DNAH11: variants seen among roughly 807,000 people sequenced by gnomAD.
DNAH11 encodes axonemal beta dynein heavy chain 11.
In DNAH11, 442 loss-of-function variants were observed where a neutral mutation model predicts 526.0. The observed-to-expected ratio is 0.84, with a 90% confidence interval of 0.78 to 0.91. The LOEUF is 0.91. Among genes scored for constraint, DNAH11 ranks in the 40% least tolerant of loss-of-function variants. The probability of loss-of-function intolerance (pLI) is 0.00; values close to 1 mark genes in which losing one functional copy is unlikely to be tolerated. For synonymous variants in DNAH11, 2,461 were observed against 1,935.9 expected, an observed-to-expected ratio of 1.27 and a Z score of -7.12; for missense variants, 6,989 against 5,448.7, an observed-to-expected ratio of 1.28 and a Z score of -8.90.
At chr7:21,637,173 A>G (rs1345974282) in intron 26 of DNAH11, among the ~76,000 whole-genome samples, 1 of 151,564 alleles carries the variant, frequency 6.6e-6, no homozygotes, top group Non-Finnish European at 1.5e-5. Context: ...GCGCTCTCTC[A>G]TTCTCTGTCT....
intron 65 of DNAH11, among the ~76,000 whole-genome samples, chr7:21,821,538 C>G (rs894523135): frequency 6.6e-6 from 1 of 152,078 alleles, no homozygotes; most frequent in East Asian, 1.9e-4. Flanking sequence ...TATGTGAAAA[C>G]CTAGTTTCTT....
At position 21,661,181 on chromosome 7, in the gene DNAH11, A is replaced by T. The variant is rs530315047; in HGVS notation, c.5328+2150A>T. On this transcript the variant is annotated intron_variant, in intron 30 of 81. Transcript: ENST00000409508. Reference sequence around the variant, plus strand: ...GTAGTCATTTAAACCTTATTTTTTTAAAATTATCCATTAATTATGGTGGGA... The same window carrying T: ...GTAGTCATTTAAACCTTATTTTTTTTAAATTATCCATTAATTATGGTGGGA... 4.7e-3 allele frequency among the ~76,000 whole-genome samples: 708 copies of T among 152,222 alleles called. 5 individuals are homozygous for T. The highest frequency in any genetic ancestry group is 0.021 in the South Asian group (103 of 4,826).
At chr7:21,676,262 A>G (rs1782879445) in intron 30 of DNAH11, among the ~76,000 whole-genome samples, 1 of 152,214 alleles carries the variant, frequency 6.6e-6, no homozygotes, top group Non-Finnish European at 1.5e-5. Flanking sequence ...GGTAGACTTG[A>G]GCCAAGACAC....
rs186279723 is a variant in DNAH11, at chr7:21,821,944, A to G, written c.10691+3605A>G. 1.8e-4 allele frequency among the ~76,000 whole-genome samples: 27 copies of G among 152,020 alleles called. No homozygotes were observed. The East Asian group carries it at 3.9e-3, about 22-fold the overall frequency. Reference sequence around the variant, plus strand: ...CCCGATTTTTTAGCTCCTGCATATGAGTAAGAAAATGCCATATTTTTCTTT... The same window carrying G: ...CCCGATTTTTTAGCTCCTGCATATGGGTAAGAAAATGCCATATTTTTCTTT... On this transcript the variant is annotated intron_variant, in intron 65 of 81. Coordinates refer to ENST00000409508, the MANE Select transcript of DNAH11 (RefSeq NM_001277115.2).
chr7:21,697,909 ATTTTT>A (rs1783917924), intron 35 of DNAH11, among the ~76,000 whole-genome samples, 161 bp from the exon 36 acceptor site: 1 of 152,120 alleles, frequency 6.6e-6, no homozygotes, highest in African/African-American at 2.4e-5. Context: ...ATGAGTGGAC[ATTTTT>A]TTAGTTGAAG....
At chr7:21,589,090 T>C in intron 11 of DNAH11, 118 bp from the exon 12 acceptor site, 1 of 786,036 alleles carries the variant, frequency 1.3e-6, no homozygotes, top group Non-Finnish European at 1.8e-6. Flanking sequence ...GTCTTGACTG[T>C]TTCTCTTCCT....
intron 73 of DNAH11, among the ~76,000 whole-genome samples, chr7:21,869,658 G>A (rs906086188): frequency 3.3e-5 from 5 of 152,178 alleles, no homozygotes; most frequent in African/African-American, 4.8e-5. Flanking sequence ...CCAATGCACA[G>A]GCAGGTCAGA....
intron 2 of DNAH11, among the ~76,000 whole-genome samples, chr7:21,545,866 A>C (rs1328943328): frequency 1.3e-5 from 2 of 152,182 alleles, no homozygotes; most frequent in South Asian, 4.1e-4. Context: ...GGTTCCATGG[A>C]ACTAGAACCT....
At chr7:21,857,562 A>T (rs1030817741) in intron 68 of DNAH11, among the ~76,000 whole-genome samples, 1 of 152,010 alleles carries the variant, frequency 6.6e-6, no homozygotes, top group Non-Finnish European at 1.5e-5. Flanking sequence ...TGGAAGACTT[A>T]CAATTTCTGA....
At chr7:21,668,465 A>T (rs970355083) in intron 30 of DNAH11, among the ~76,000 whole-genome samples, 1 of 152,118 alleles carries the variant, frequency 6.6e-6, no homozygotes, top group African/African-American at 2.4e-5. Context: ...ATATCCTTTG[A>T]AAGTTTGTAC....
intron 2 of DNAH11, among the ~76,000 whole-genome samples, chr7:21,552,603 A>G (rs1783063592): frequency 6.6e-6 from 1 of 152,178 alleles, no homozygotes. Flanking sequence ...TTATCTGTGT[A>G]TTATAACAAC....
At chr7:21,883,899 G>A (rs1437520806) in intron 75 of DNAH11, among the ~76,000 whole-genome samples, 3 of 152,100 alleles carry the variant, frequency 2.0e-5, no homozygotes, top group Admixed American at 6.5e-5. Flanking sequence ...AAAAATTAGC[G>A]AGATGTAGTG....
intron 61 of DNAH11, among the ~76,000 whole-genome samples, chr7:21,799,028 G>A (rs899590401): frequency 2.0e-5 from 3 of 151,924 alleles, no homozygotes; most frequent in African/African-American, 7.2e-5. Flanking sequence ...ACAGAGTTTT[G>A]AAACCAAAAA....
chr7:21,782,714 C>T (rs1000399481), intron 57 of DNAH11, among the ~76,000 whole-genome samples: 1 of 152,076 alleles, frequency 6.6e-6, no homozygotes, highest in African/African-American at 2.4e-5. Flanking sequence ...CAGTTCAAGA[C>T]CAGCCTGGCC....
At chr7:21,820,400 C>T (rs1037954649) in intron 65 of DNAH11, among the ~76,000 whole-genome samples, 8 of 152,084 alleles carry the variant, frequency 5.3e-5, no homozygotes, top group Non-Finnish European at 1.2e-4. Flanking sequence ...GGAAAGACTT[C>T]TTGGAAAAAA....
chr7:21,898,619 C>T (rs1258607388), intron 79 of DNAH11, among the ~76,000 whole-genome samples: 2 of 152,144 alleles, frequency 1.3e-5, no homozygotes, highest in African/African-American at 2.4e-5. Context: ...CAAGGTTTCA[C>T]TTCTCTCTTA....
At position 21,687,129 on chromosome 7, in the gene DNAH11, T is replaced by A; in HGVS notation, c.5652T>A (p.His1884Gln). ...RCYITLTQSL[H>Q]LTMSGAPAGP... Reference sequence around the variant, plus strand: ...ATATTACCTTAACTCAATCACTTCATCTAACCATGAGTGGGGCTCCTGCTG... The same window carrying A: ...ATATTACCTTAACTCAATCACTTCAACTAACCATGAGTGGGGCTCCTGCTG... Residue 1884 changes from histidine to glutamine, a missense_variant, in exon 33 of 82, where the codon CAT becomes CAA. Transcript: ENST00000409508. 6.2e-7 allele frequency: 1 copy of A among 1,613,530 alleles called. No homozygotes were observed. The highest frequency in any genetic ancestry group is 1.1e-5 in the South Asian group (1 of 90,946).
rs191261577 is a variant in DNAH11, at chr7:21,732,737, T to C, written c.7441-2903T>C. ...GGATTGTGATCATCCCATCTTTCTA[T>C]ACTGCTCTTCTTAACATTGACTTCA... is the stretch of plus-strand genomic sequence containing the variant. On this transcript the variant is annotated intron_variant, in intron 45 of 81. Coordinates refer to ENST00000409508, the MANE Select transcript of DNAH11 (RefSeq NM_001277115.2). 5.0e-3 allele frequency among the ~76,000 whole-genome samples: 755 copies of C among 152,360 alleles called. 4 individuals are homozygous for C. Among genetic ancestry groups the C allele is most frequent in the Admixed American group, 0.012 (186 of 15,304 alleles).
chr7:21,681,848 T>G, intron 31 of DNAH11, 171 bp downstream of exon 31: 2 of 842,204 alleles, frequency 2.4e-6, no homozygotes, highest in Non-Finnish European at 4.0e-6. Context: ...GCCAATATAT[T>G]ATTCTGATGA....
Sources: allele counts gnomAD v4.1 joint callset (sites outside exome capture counted in the v4.1 genomes callset), GRCh38; gene constraint gnomAD v4.1.1; transcripts MANE v1.5; gene names NCBI Gene and HGNC (gene_info 2026-07-23, HGNC 2026-07-21).